The following DNAH8 variants were observed in gnomAD, a reference collection of about 807,000 sequenced individuals.
DNAH8 encodes the protein dynein axonemal heavy chain 8.
Under a neutral mutation model 562.1 loss-of-function variants are expected in DNAH8, and 382 were observed. That is an observed-to-expected ratio of 0.68 (90% CI 0.63 to 0.74). The LOEUF (loss-of-function observed/expected upper bound fraction) is 0.74, where lower values mean the gene tolerates loss of function less well. Ranked by LOEUF, DNAH8 falls within the 30% of genes least tolerant of loss-of-function variation. The pLI, the probability that DNAH8 is intolerant of heterozygous loss-of-function variation, is 0.00. For synonymous variants in DNAH8, 1,881 were observed against 1,919.4 expected (o/e 0.98, Z 0.52); for missense variants, 5,203 against 5,620.4 (o/e 0.93, Z 2.37).
intron 55 of DNAH8, among the ~76,000 whole-genome samples, 153 bp downstream of exon 55, chr6:38,883,609 C>T (rs976079050): frequency 6.6e-6 from 1 of 152,116 alleles, no homozygotes; most frequent in Non-Finnish European, 1.5e-5. Context: ...TTTCCTAAGG[C>T]TAAGGTTGAA....
chr6:38,902,681 C>T (rs1030548185), intron 62 of DNAH8, among the ~76,000 whole-genome samples: 2 of 152,118 alleles, frequency 1.3e-5, no homozygotes, highest in African/African-American at 4.8e-5. Context: ...TCTTACCACA[C>T]TTGATTACAA....
At chr6:39,002,690 G>T (rs1765566289) in intron 88 of DNAH8, among the ~76,000 whole-genome samples, 2 of 152,148 alleles carry the variant, frequency 1.3e-5, no homozygotes, top group Admixed American at 1.3e-4. Context: ...AGAATTTTAA[G>T]TTATATCTAA....
chr6:38,848,027 C>T (rs574323421), intron 36 of DNAH8, among the ~76,000 whole-genome samples: 2 of 152,234 alleles, frequency 1.3e-5, no homozygotes, highest in East Asian at 3.9e-4. Flanking sequence ...GTGGGAAGAG[C>T]ACACCTGTAA....
chr6:38,929,512 T>C lies in DNAH8; in HGVS notation c.11120T>C (p.Val3707Ala), dbSNP rs1186345802. Residue 3707 changes from valine (V) to alanine (A), a missense_variant and splice_region_variant, in exon 75 of 93, where the codon GTG becomes GCG. Val to Ala is a moderately conservative substitution (Grantham distance 64). Around this residue, in one of 6 missense-constraint regions of DNAH8, gnomAD observed 1,399 missense variants for 1,518.4 expected, o/e 0.92. Coordinates refer to ENST00000327475, the MANE Select transcript of DNAH8 (RefSeq NM_001206927.2). ...GACCAATGAGTTCTTTCTGTTTAGGTGACATCTCTGAACCATAAATATTTT... is the reference window on the plus strand; with the variant it reads ...GACCAATGAGTTCTTTCTGTTTAGGCGACATCTCTGAACCATAAATATTTT... Reference protein sequence around the residue: ...KSKEKENDLQVTSLNHKYFRT... With the variant: ...KSKEKENDLQATSLNHKYFRT... The C allele has an allele frequency of 1.2e-6, 2 of 1,607,956 alleles. No individual in the cohort carries two copies. The highest frequency in any genetic ancestry group is 8.5e-7 in the Non-Finnish European group (1 of 1,177,270).
At chr6:38,883,510 G>T in intron 55 of DNAH8, 54 bp downstream of exon 55, 1 of 1,506,062 alleles carries the variant, frequency 6.6e-7, no homozygotes, top group Non-Finnish European at 9.0e-7. Flanking sequence ...TTAAATTAGT[G>T]GTTACAATAA....
chr6:38,950,109 C>G (rs776882185), intron 81 of DNAH8, among the ~76,000 whole-genome samples: 1 of 152,042 alleles, frequency 6.6e-6, no homozygotes, highest in Non-Finnish European at 1.5e-5. Flanking sequence ...AAATCGCCCT[C>G]TCTTTTCACT....
intron 14 of DNAH8, among the ~76,000 whole-genome samples, chr6:38,779,537 T>A (rs761111783): frequency 1.1e-4 from 17 of 152,234 alleles, no homozygotes; most frequent in Non-Finnish European, 2.5e-4. Context: ...TTTGTGATTA[T>A]GGTTAAATGG....
At chr6:38,741,182 A>T (rs897807606) in intron 7 of DNAH8, among the ~76,000 whole-genome samples, 1 of 152,138 alleles carries the variant, frequency 6.6e-6, no homozygotes, top group African/African-American at 2.4e-5. Flanking sequence ...AGGCAGGAGG[A>T]TCGCTTCAGC....
intron 87 of DNAH8, among the ~76,000 whole-genome samples, chr6:38,986,284 A>G (rs965176657): frequency 2.0e-5 from 3 of 152,206 alleles, no homozygotes; most frequent in Admixed American, 6.5e-5. Context: ...CTTAGAAGCA[A>G]TGATCTATAC....
chr6:38,881,893 C>T (rs965972606), intron 53 of DNAH8, among the ~76,000 whole-genome samples: 2 of 152,060 alleles, frequency 1.3e-5, no homozygotes, highest in Admixed American at 6.6e-5. Flanking sequence ...ATCTAGTAAA[C>T]GGTTGACTCT....
chr6:38,976,199 G>C (rs571229617), intron 85 of DNAH8, among the ~76,000 whole-genome samples: 2 of 152,240 alleles, frequency 1.3e-5, no homozygotes, highest in Non-Finnish European at 2.9e-5. Context: ...TGTGAAATCA[G>C]TTAGCTGAAA....
In DNAH8 at chr6:38,853,210, G is replaced by C; in HGVS notation, c.5596G>C (p.Gly1866Arg). The C allele has an allele frequency of 6.2e-7, 1 of 1,610,454 alleles. No individual in the cohort carries two copies. Among genetic ancestry groups the C allele is most frequent in the Non-Finnish European group, 8.5e-7 (1 of 1,178,782 alleles). The change falls in exon 41 of 93, where the codon GGT (glycine) becomes CGT (arginine). Residue 1866 changes from glycine to arginine, a missense_variant. Around this residue, in one of 6 missense-constraint regions of DNAH8, gnomAD observed 2,176 missense variants for 2,365.1 expected, o/e 0.92. Coordinates refer to ENST00000327475, the MANE Select transcript of DNAH8 (RefSeq NM_001206927.2). Reference protein sequence around the residue: ...IVLDNSVMAKGPVEIWLLDLL... With the variant: ...IVLDNSVMAKRPVEIWLLDLL... ...GTTGGATAATTCTGTTATGGCCAAAGGTCCTGTGGAGATTTGGCTACTGGA... is the reference window on the plus strand; with the variant it reads ...GTTGGATAATTCTGTTATGGCCAAACGTCCTGTGGAGATTTGGCTACTGGA...
At chr6:38,721,283 A>G (rs1042211111) in intron 1 of DNAH8, among the ~76,000 whole-genome samples, 1 of 152,150 alleles carries the variant, frequency 6.6e-6, no homozygotes, top group African/African-American at 2.4e-5. Flanking sequence ...CCATGAGACC[A>G]GTCTCAGCAA....
intron 88 of DNAH8, among the ~76,000 whole-genome samples, chr6:38,994,728 A>G (rs926031734): frequency 4.0e-5 from 6 of 148,874 alleles, no homozygotes; most frequent in Non-Finnish European, 7.4e-5. Context: ...GCTCACTGCA[A>G]CCACCTCCTG....
rs1772998152 is a variant in DNAH8 at position 38,822,915 on chromosome 6, A to G, written c.3601A>G (p.Lys1201Glu). Residue 1201 changes from lysine (K) to glutamate (E), a missense_variant, in exon 27 of 93, where the codon AAG (lysine) becomes GAG (glutamate). By Grantham distance (56) the Lys-to-Glu change is moderately conservative. Transcript: ENST00000327475. ...GGTAGCGGAGCACAAGGATATTTCTAAGTTGGTCCTGCTCCTTTCTTCCTC... is the reference window on the plus strand; with the variant it reads ...GGTAGCGGAGCACAAGGATATTTCTGAGTTGGTCCTGCTCCTTTCTTCCTC... ...PGVAEHKDIS[K>E]LVLLLSSSVN... 2 of 1,613,422 alleles carry G rather than the reference A, an allele frequency of 1.2e-6. No homozygotes were observed. The highest frequency in any genetic ancestry group is 1.7e-6 in the Non-Finnish European group (2 of 1,179,804).
intron 1 of DNAH8, among the ~76,000 whole-genome samples, chr6:38,715,962 T>A (rs867503278): frequency 3.1e-3 from 67 of 21,512 alleles, no homozygotes; most frequent in Admixed American, 6.8e-3. Context: ...ATATATATAT[T>A]TTTTTTTTTT....
chr6:38,753,526 G>A (rs990367427), intron 9 of DNAH8, among the ~76,000 whole-genome samples: 21 of 152,078 alleles, frequency 1.4e-4, no homozygotes, highest in Admixed American at 5.9e-4. Flanking sequence ...CAACGTTCAC[G>A]TTTGTCAAAT....
At chr6:38,967,557 TA>T (rs1763056499) in intron 82 of DNAH8, among the ~76,000 whole-genome samples, 1 of 152,020 alleles carries the variant, frequency 6.6e-6, no homozygotes, top group African/African-American at 2.4e-5. Context: ...ATAAAATACT[TA>T]GGAATAAATT....
At chr6:38,970,208 A>T (rs1388255084) in intron 82 of DNAH8, among the ~76,000 whole-genome samples, 1 of 152,076 alleles carries the variant, frequency 6.6e-6, no homozygotes, top group Admixed American at 6.5e-5. Context: ...ATACTTTTTG[A>T]GCCTATCACT....
Sources: allele counts gnomAD v4.1 joint callset (sites outside exome capture counted in the v4.1 genomes callset), GRCh38; gene constraint gnomAD v4.1.1; regional missense constraint gnomAD v4.1.1; transcripts MANE v1.5; gene names NCBI Gene and HGNC (gene_info 2026-07-23, HGNC 2026-07-21).